The following APBA1 variants were observed in gnomAD, a reference collection of about 807,000 sequenced individuals.
APBA1 encodes the protein amyloid-beta A4 precursor protein-binding family A member 1.
Under a neutral mutation model 86.6 loss-of-function variants are expected in APBA1, and 55 were observed. That is an observed-to-expected ratio of 0.64 (90% CI 0.51 to 0.80). The LOEUF is 0.80. Among genes scored for constraint, APBA1 ranks in the 30% least tolerant of loss-of-function variants. APBA1 has a pLI of 0.00. For missense variants in APBA1, 1,090 were observed against 1,183.0 expected (o/e 0.92, Z 1.15); for synonymous variants, 511 against 493.9 (o/e 1.03, Z -0.46).
chr9:69,651,283 C>T (rs1027289986), intron 1 of APBA1, among the ~76,000 whole-genome samples: 2 of 152,026 alleles, frequency 1.3e-5, no homozygotes, highest in African/African-American at 4.8e-5. Flanking sequence ...TGGGAGGGAG[C>T]GTGAGAGGAT....
intron 5 of APBA1, chr9:69,461,677 C>G (rs1835194205): frequency 6.6e-6 from 1 of 152,140 alleles, no homozygotes; most frequent in South Asian, 2.1e-4. Flanking sequence ...AATTAACTTG[C>G]CCCAGGTCAC....
intron 1 of APBA1, among the ~76,000 whole-genome samples, chr9:69,600,806 T>TAAATAAATAAATAAATA (rs556966097): frequency 7.2e-4 from 104 of 143,732 alleles, no homozygotes; most frequent in African/African-American, 2.3e-3. Context: ...CAAAAAATAA[T>TAAATAAATAAATAAATA]AATAAATAAA....
At chr9:69,515,699 G>T (rs889439155) in intron 2 of APBA1, among the ~76,000 whole-genome samples, 2 of 117,518 alleles carry the variant, frequency 1.7e-5, no homozygotes, top group East Asian at 4.1e-4. Flanking sequence ...CTGGGGGGGG[G>T]GGGGGCGGGG....
chr9:69,482,823 AG>A (rs1835538081), intron 2 of APBA1, among the ~76,000 whole-genome samples: 1 of 151,922 alleles, frequency 6.6e-6, no homozygotes, highest in South Asian at 2.1e-4. Context: ...TGTCCTTTGT[AG>A]GGACATGGAT....
At chr9:69,501,252 CTG>C (rs1453741671) in intron 2 of APBA1, among the ~76,000 whole-genome samples, 1 of 152,114 alleles carries the variant, frequency 6.6e-6, no homozygotes, top group Non-Finnish European at 1.5e-5. Context: ...TCAGCGAAGA[CTG>C]TGTTTCAAAA....
chr9:69,502,531 C>T (rs1437050019), intron 2 of APBA1, among the ~76,000 whole-genome samples: 1 of 151,846 alleles, frequency 6.6e-6, no homozygotes, highest in Non-Finnish European at 1.5e-5. Context: ...AAAATTACTC[C>T]GGTTGCATTA....
At chr9:69,500,878 G>C (rs1835871038) in intron 2 of APBA1, among the ~76,000 whole-genome samples, 1 of 152,084 alleles carries the variant, frequency 6.6e-6, no homozygotes, top group Non-Finnish European at 1.5e-5. Flanking sequence ...GTCCAGAGAA[G>C]CATAAAGACA....
intron 1 of APBA1, among the ~76,000 whole-genome samples, chr9:69,623,869 C>T (rs148993992): frequency 2.2e-3 from 340 of 152,264 alleles, no homozygotes; most frequent in Non-Finnish European, 3.8e-3. Context: ...GTCATCTTAA[C>T]GTCTAATTCT....
chr9:69,442,100 G>A (rs190595241), intron 10 of APBA1, among the ~76,000 whole-genome samples: 1 of 152,330 alleles, frequency 6.6e-6, no homozygotes, highest in African/African-American at 2.4e-5. Context: ...CCCTAGAGGA[G>A]GGTGCCAGGC....
intron 1 of APBA1, among the ~76,000 whole-genome samples, chr9:69,544,848 C>A (rs1836671977): frequency 6.6e-6 from 1 of 152,120 alleles, no homozygotes; most frequent in African/African-American, 2.4e-5. Context: ...TAAGTCTCCA[C>A]CCACCCCCCT....
At chr9:69,605,978 C>T (rs1378522574) in intron 1 of APBA1, among the ~76,000 whole-genome samples, 4 of 152,184 alleles carry the variant, frequency 2.6e-5, no homozygotes, top group Admixed American at 2.6e-4. Flanking sequence ...ATAAGAAACA[C>T]ATCCCTGGTC....
intron 1 of APBA1, among the ~76,000 whole-genome samples, chr9:69,587,700 A>G (rs1822048678): frequency 6.6e-6 from 1 of 152,146 alleles, no homozygotes; most frequent in Admixed American, 6.6e-5. Flanking sequence ...GGTAGCAGCC[A>G]TGGAGATGTT....
chr9:69,515,331 A>C (rs189490635), intron 2 of APBA1, among the ~76,000 whole-genome samples: 1 of 152,184 alleles, frequency 6.6e-6, no homozygotes, highest in East Asian at 1.9e-4. Context: ...AACTTTGGCC[A>C]GCATACAACC....
chr9:69,535,081 T>C (rs1836488410), intron 1 of APBA1, among the ~76,000 whole-genome samples: 1 of 152,242 alleles, frequency 6.6e-6, no homozygotes, highest in African/African-American at 2.4e-5. Context: ...AAATAACATG[T>C]ATTTTATCAT....
At chr9:69,640,958 AAG>A (rs142050871) in intron 1 of APBA1, among the ~76,000 whole-genome samples, 22 of 149,512 alleles carry the variant, frequency 1.5e-4, no homozygotes, top group African/African-American at 4.9e-4. Context: ...GAGAAAGAGA[AAG>A]AGAGAGAGAG....
Position 69,520,680 on chromosome 9 carries a change from C to T in APBA1, c.-69-3401G>A, listed in dbSNP as rs74794727. Among the ~76,000 whole-genome samples, 11 of 152,278 alleles carry T rather than the reference C, an allele frequency of 7.2e-5. No individual in the cohort carries two copies. The East Asian group carries it at 2.1e-3, about 29-fold the overall frequency. Reference sequence around the variant, plus strand: ...ACACCTCCTCACCTTCCCTACCCACCCTCGCTCTCAAACTGGGTTCCCTCC... The same window carrying T: ...ACACCTCCTCACCTTCCCTACCCACTCTCGCTCTCAAACTGGGTTCCCTCC... On this transcript the variant is annotated intron_variant, in intron 1 of 12. Coordinates refer to ENST00000265381, the MANE Select transcript of APBA1 (RefSeq NM_001163.4).
intron 1 of APBA1, among the ~76,000 whole-genome samples, chr9:69,538,300 A>G (rs1836545786): frequency 6.6e-6 from 1 of 152,222 alleles, no homozygotes; most frequent in African/African-American, 2.4e-5. Context: ...CATTTCTCCA[A>G]ATTTAAAATT....
intron 3 of APBA1, among the ~76,000 whole-genome samples, chr9:69,474,655 G>A (rs1262586104): frequency 6.6e-6 from 1 of 152,222 alleles, no homozygotes; most frequent in Non-Finnish European, 1.5e-5. Context: ...ATGGCCAAGT[G>A]TCTGAGGCTC....
chr9:69,496,918 G>GA (rs1835807440), intron 2 of APBA1, among the ~76,000 whole-genome samples: 1 of 151,940 alleles, frequency 6.6e-6, no homozygotes, highest in South Asian at 2.1e-4. Flanking sequence ...AAGCTGTTTA[G>GA]AGTGTTCACT....
Sources: gnomAD v4.1 joint callset for allele counts (sites outside exome capture counted in the v4.1 genomes callset) on GRCh38, gnomAD v4.1.1 for gene constraint, MANE v1.5 for transcripts, NCBI Gene and HGNC (gene_info 2026-07-23, HGNC 2026-07-21) for gene names.